Variants in HEPH observed in about 807,000 individuals in gnomAD.
The protein encoded by HEPH is hephaestin.
A neutral mutation model predicts 80.8 loss-of-function variants in HEPH; 69 were observed. The observed-to-expected ratio is 0.85, with a 90% CI of 0.70 to 1.04. The LOEUF (loss-of-function observed/expected upper bound fraction) is 1.04. HEPH is among the 50% of genes least tolerant of loss of function. The probability of loss-of-function intolerance (pLI) is 0.00; values close to 1 mark genes in which losing one functional copy is unlikely to be tolerated. For missense variants in HEPH, 1,115 were observed against 891.3 expected (o/e 1.25, Z -3.20); for synonymous variants, 431 against 322.8 (o/e 1.34, Z -3.60).
intron 15 of HEPH, among the ~76,000 whole-genome samples, chrX:66,219,954 C>T (rs1163726692): frequency 9.0e-6 from 1 of 111,718 alleles, no homozygotes; most frequent in Non-Finnish European, 1.9e-5. Flanking sequence ...TTGAACTCCA[C>T]TAGGTGGCTG....
chrX:66,231,673 T>G (rs1386512834), intron 15 of HEPH, among the ~76,000 whole-genome samples: 1 of 109,529 alleles, frequency 9.1e-6, no homozygotes, highest in African/African-American at 3.3e-5. Context: ...TAAGGAGATT[T>G]TGGGCTGAGA....
At chrX:66,210,455 C>A (rs910411416) in intron 15 of HEPH, among the ~76,000 whole-genome samples, 1 of 111,271 alleles carries the variant, frequency 9.0e-6, no homozygotes, top group East Asian at 2.8e-4. Flanking sequence ...AAAGTGGAGG[C>A]AAAGGACACT....
At chrX:66,192,057 A>G in intron 6 of HEPH, 73 bp from the exon 7 acceptor site, 1 of 1,021,074 alleles carries the variant, frequency 9.8e-7, no homozygotes, top group Admixed American at 2.5e-5. Flanking sequence ...CACTAACAGA[A>G]GGAGGAAGGT....
intron 15 of HEPH, among the ~76,000 whole-genome samples, chrX:66,209,167 TGTGTTAA>T (rs1180461338): frequency 1.8e-5 from 2 of 111,575 alleles, no homozygotes; most frequent in Non-Finnish European, 3.8e-5. Flanking sequence ...TATAATCCAG[TGTGTTAA>T]GTGTTAATAG....
chrX:66,205,025 TA>T lies in HEPH; in HGVS notation c.2291+1449del, dbSNP rs377089676. Among the ~76,000 whole-genome samples, 229 of 111,915 alleles carry T rather than the reference TA, an allele frequency of 2.0e-3. 2 individuals are homozygous for T. The highest frequency in any genetic ancestry group is 6.9e-3 in the African/African-American group (213 of 30,771). ...AATATAAATGATCCTGTCATCCAGGTAGTGAGCATAGTATCCAATAGTTAGT... is the reference window on the plus strand; with the variant it reads ...AATATAAATGATCCTGTCATCCAGGTGTGAGCATAGTATCCAATAGTTAGT... On this transcript the variant is annotated intron_variant, in intron 13 of 20. Coordinates refer to ENST00000343002, the MANE Select transcript of HEPH (RefSeq NM_001367233.3).
chrX:66,259,579 T>C (rs903126212), intron 18 of HEPH, among the ~76,000 whole-genome samples: 2 of 112,323 alleles, frequency 1.8e-5, no homozygotes, highest in Admixed American at 1.9e-4. Flanking sequence ...CTGAAAATTA[T>C]AAAGATACTT....
At chrX:66,203,255 T>A in intron 12 of HEPH, 109 bp from the exon 13 acceptor site, 2 of 589,559 alleles carry the variant, frequency 3.4e-6, no homozygotes, top group Non-Finnish European at 5.4e-6. Context: ...TATCTGAGAC[T>A]ATCTGAAACT....
At chrX:66,245,661 A>T (rs932003374) in intron 15 of HEPH, among the ~76,000 whole-genome samples, 5 of 111,467 alleles carry the variant, frequency 4.5e-5, no homozygotes, top group African/African-American at 1.6e-4. Flanking sequence ...CTCCACTCCA[A>T]ATCAAAAGAA....
At chrX:66,193,429 G>A in intron 7 of HEPH, 73 bp from the exon 8 acceptor site, 1 of 675,114 alleles carries the variant, frequency 1.5e-6, no homozygotes, top group Non-Finnish European at 2.1e-6. Context: ...ATAACTTGGT[G>A]AGACTAAGGG....
upstream of HEPH, among the ~76,000 whole-genome samples, chrX:66,163,616 C>T (rs1481345178): frequency 3.6e-5 from 4 of 111,039 alleles, no homozygotes; most frequent in Admixed American, 3.8e-4. Flanking sequence ...CCTTCTACCC[C>T]CTTGAAAGTA....
In HEPH at chrX:66,209,119, C is replaced by T. The variant is rs146245852; in HGVS notation, c.2563+873C>T. Among the ~76,000 whole-genome samples, 936 of 111,980 alleles carry T rather than the reference C, an allele frequency of 8.4e-3. 13 individuals carry two copies. Among genetic ancestry groups the T allele is most frequent in the African/African-American group, 0.028 (860 of 30,863 alleles). ...AACACTTGCTCCTGTCTTGAAGAAACTTGAGCTGTTATGATAGAAACAGGT... is the reference window on the plus strand; with the variant it reads ...AACACTTGCTCCTGTCTTGAAGAAATTTGAGCTGTTATGATAGAAACAGGT... On this transcript the variant is annotated intron_variant, in intron 15 of 20. Transcript: ENST00000343002.
intron 17 of HEPH, among the ~76,000 whole-genome samples, chrX:66,258,638 A>T (rs929724602): frequency 4.5e-5 from 5 of 111,399 alleles, no homozygotes; most frequent in Non-Finnish European, 9.4e-5. Context: ...AGATTCAGTC[A>T]CTTAGAGAGA....
chrX:66,165,604 T>C (rs1226024266), intron 1 of HEPH, among the ~76,000 whole-genome samples: 2 of 111,338 alleles, frequency 1.8e-5, no homozygotes, highest in African/African-American at 6.5e-5. Context: ...CAAATTGTTA[T>C]GAATAATAGG....
At position 66,255,149 on chromosome X, in the gene HEPH, C is replaced by G. The variant is rs771450388; in HGVS notation, c.2670+8C>G. Reference sequence around the variant, plus strand: ...GCAGTGGATCCCATCAAGGTAAATACAAGATTGGCTACCTGGAGGTGGGTC... The same window carrying G: ...GCAGTGGATCCCATCAAGGTAAATAGAAGATTGGCTACCTGGAGGTGGGTC... On this transcript the variant is annotated splice_region_variant and intron_variant, in intron 16 of 20. Coordinates refer to ENST00000343002, the MANE Select transcript of HEPH (RefSeq NM_001367233.3). 3 of 1,148,161 alleles carry G rather than the reference C, an allele frequency of 2.6e-6. No homozygotes were observed. Among genetic ancestry groups the G allele is most frequent in the South Asian group, 3.8e-5 (2 of 52,872 alleles). The allele number at this position is 1,148,161 out of a possible 1,213,427, so 94.6% of individuals were successfully genotyped here.
chrX:66,252,186 G>T (rs1304913829), intron 15 of HEPH, among the ~76,000 whole-genome samples: 2 of 111,844 alleles, frequency 1.8e-5, no homozygotes, highest in Non-Finnish European at 3.8e-5. Flanking sequence ...TGTGTTTTTG[G>T]CTTACATAAC....
At chrX:66,172,745 G>C in intron 3 of HEPH, 146 bp downstream of exon 3, 1 of 576,467 alleles carries the variant, frequency 1.7e-6, no homozygotes, top group Non-Finnish European at 2.6e-6. Flanking sequence ...GAGTAAACAA[G>C]GGTGGGCACT....
At chrX:66,207,003 G>A (rs1365387775) in intron 13 of HEPH, among the ~76,000 whole-genome samples, 192 bp from the exon 14 acceptor site, 1 of 108,034 alleles carries the variant, frequency 9.3e-6, no homozygotes, top group Non-Finnish European at 1.9e-5. Context: ...GGCAACAAGA[G>A]CGAAACTCCG....
In HEPH at chrX:66,200,640, G is replaced by T. The variant is rs772934409; in HGVS notation, c.1965G>T (p.Val655=). 3.3e-6 allele frequency: 4 copies of T among 1,209,451 alleles called. No individual in the cohort carries two copies. The highest frequency in any genetic ancestry group is 4.4e-5 in the Admixed American group (2 of 45,787). The part of the protein sequence containing the change: ...HLLGLGTETD[V]HGVMFQGNTV... ...TCGGCCTGGGCACAGAGACTGATGTGCATGGAGTCATGTTCCAGGGCAACA... is the reference window on the plus strand; with the variant it reads ...TCGGCCTGGGCACAGAGACTGATGTTCATGGAGTCATGTTCCAGGGCAACA... The change falls in exon 12 of 21, where the codon GTG becomes GTT. Residue 655 remains valine, a synonymous_variant. Transcript: ENST00000343002.
At chrX:66,217,730 A>G (rs1304136496) in intron 15 of HEPH, among the ~76,000 whole-genome samples, 1 of 112,063 alleles carries the variant, frequency 8.9e-6, no homozygotes, top group Non-Finnish European at 1.9e-5. Flanking sequence ...TCCATTTAAA[A>G]GATACAGAAT....
Sources: gnomAD v4.1 joint callset for allele counts (sites outside exome capture counted in the v4.1 genomes callset) on GRCh38, gnomAD v4.1.1 for gene constraint, MANE v1.5 for transcripts, NCBI Gene and HGNC (gene_info 2026-07-23, HGNC 2026-07-21) for gene names.